The following CHCHD6 variants were observed in gnomAD, a reference collection of about 807,000 sequenced individuals.
CHCHD6 encodes the protein MICOS complex subunit MIC25.
A neutral mutation model predicts 32.3 loss-of-function variants in CHCHD6; 28 were observed. The observed-to-expected ratio is 0.87, with a 90% confidence interval of 0.64 to 1.19. The LOEUF (loss-of-function observed/expected upper bound fraction) is 1.19. Ranked by LOEUF, CHCHD6 falls within the 50% of genes most tolerant of loss-of-function variation. The pLI is 0.00. For missense variants in CHCHD6, 333 were observed against 307.0 expected, an observed-to-expected ratio of 1.08 and a Z score of -0.63; for synonymous variants, 122 against 117.5, an observed-to-expected ratio of 1.04 and a Z score of -0.25.
intron 4 of CHCHD6, among the ~76,000 whole-genome samples, chr3:126,804,369 G>A (rs1939245999): frequency 6.6e-6 from 1 of 152,028 alleles, no homozygotes; most frequent in Non-Finnish European, 1.5e-5. Flanking sequence ...AATAAAAAAT[G>A]ATAAAGGGGA....
chr3:126,732,086 A>T (rs1935832220), intron 3 of CHCHD6, among the ~76,000 whole-genome samples: 1 of 151,634 alleles, frequency 6.6e-6, no homozygotes, highest in Non-Finnish European at 1.5e-5. Flanking sequence ...ACCAAAAAAA[A>T]AAAAAAAAAA....
rs2078843268 is a variant in CHCHD6, at chr3:126,960,352, TA to T, written c.*152del. ...GCTGCCACGTGTTTAGGAAACAAAG[TA>T]TGCGCTACTGTCTGAAAACAAATAA... On this transcript the variant is annotated 3_prime_UTR_variant, in exon 8 of 8. Coordinates refer to ENST00000290913, the MANE Select transcript of CHCHD6 (RefSeq NM_032343.3). 1 of 824,694 alleles carries T rather than the reference TA, an allele frequency of 1.2e-6. No homozygotes were observed. Among genetic ancestry groups the T allele is most frequent in the Non-Finnish European group, 2.0e-6 (1 of 508,478 alleles). 51.1% of individuals were successfully genotyped at this position (824,694 alleles called of 1,614,324 possible).
chr3:126,763,934 G>T (rs991757747), intron 4 of CHCHD6, among the ~76,000 whole-genome samples: 1 of 151,994 alleles, frequency 6.6e-6, no homozygotes, highest in African/African-American at 2.4e-5. Context: ...TGCTGAAATT[G>T]TATGCTTTAC....
In CHCHD6 at chr3:126,754,526, G is replaced by A. The variant is rs556413198; in HGVS notation, c.411+21304G>A. 3.3e-5 allele frequency among the ~76,000 whole-genome samples: 5 copies of A among 152,300 alleles called. No individual in the cohort carries two copies. The South Asian group carries it at 6.2e-4, about 19-fold the overall frequency. On this transcript the variant is annotated intron_variant, in intron 4 of 7. Coordinates refer to ENST00000290913, the MANE Select transcript of CHCHD6 (RefSeq NM_032343.3). The stretch of plus-strand genomic sequence containing the variant: ...GTGGCTGAGCTCTTTCTAAGGTACC[G>A]GCTATTGGCAGAGGAGCAAGCTGGG...
chr3:126,912,804 G>C (rs61211376), intron 5 of CHCHD6, among the ~76,000 whole-genome samples: 2 of 152,348 alleles, frequency 1.3e-5, no homozygotes, highest in Non-Finnish European at 2.9e-5. Context: ...TGCAGCAGGG[G>C]AGTCCTTGGG....
chr3:126,844,124 T>C (rs114890904), intron 4 of CHCHD6, among the ~76,000 whole-genome samples: 4,427 of 152,326 alleles, frequency 0.029, 97 homozygotes, highest in Non-Finnish European at 0.039. Context: ...TTTAAACTTA[T>C]TAGCTCAAGA....
At chr3:126,739,829 C>G (rs983026479) in intron 4 of CHCHD6, among the ~76,000 whole-genome samples, 1 of 152,148 alleles carries the variant, frequency 6.6e-6, no homozygotes, top group African/African-American at 2.4e-5. Context: ...GTTCCAACAC[C>G]TTGGTCACCT....
chr3:126,724,459 G>T (rs989491809), intron 1 of CHCHD6, among the ~76,000 whole-genome samples: 2 of 152,098 alleles, frequency 1.3e-5, no homozygotes, highest in African/African-American at 4.8e-5. Context: ...TACTTTATTG[G>T]CAAAATATGC....
intron 4 of CHCHD6, among the ~76,000 whole-genome samples, chr3:126,818,073 G>A (rs949765828): frequency 1.3e-5 from 2 of 152,180 alleles, no homozygotes; most frequent in African/African-American, 4.8e-5. Context: ...TGAGGGGCCT[G>A]TAAAGCAAAG....
chr3:126,886,140 A>G (rs2077676603), intron 5 of CHCHD6, among the ~76,000 whole-genome samples: 1 of 152,222 alleles, frequency 6.6e-6, no homozygotes, highest in Non-Finnish European at 1.5e-5. Context: ...ACACACTTGA[A>G]TTTAAACAGC....
At chr3:126,872,097 C>T (rs2077480883) in intron 5 of CHCHD6, among the ~76,000 whole-genome samples, 2 of 152,204 alleles carry the variant, frequency 1.3e-5, no homozygotes, top group Non-Finnish European at 2.9e-5. Context: ...CCTTCAAGGG[C>T]CATTTGGCAA....
At chr3:126,944,926 C>T (rs569128585) in intron 6 of CHCHD6, among the ~76,000 whole-genome samples, 1 of 152,244 alleles carries the variant, frequency 6.6e-6, no homozygotes, top group East Asian at 1.9e-4. Context: ...TGCCTCTAGG[C>T]CTTGTGGCTG....
chr3:126,957,639 T>C, intron 7 of CHCHD6, 88 bp downstream of exon 7: 1 of 1,442,550 alleles, frequency 6.9e-7, no homozygotes, highest in Admixed American at 2.0e-5. Context: ...TCTGCCTGCC[T>C]TTTCCTGTTA....
chr3:126,706,335 G>T (rs1934487034), intron 1 of CHCHD6, among the ~76,000 whole-genome samples: 1 of 152,182 alleles, frequency 6.6e-6, no homozygotes, highest in African/African-American at 2.4e-5. Context: ...GCTTAAAGGA[G>T]TTAAGGAATT....
chr3:126,899,743 A>G (rs2077895302), intron 5 of CHCHD6, among the ~76,000 whole-genome samples: 1 of 152,194 alleles, frequency 6.6e-6, no homozygotes, highest in South Asian at 2.1e-4. Context: ...GGAAAGGGAC[A>G]TTTTGTGCTC....
chr3:126,921,547 G>A (rs1182493737), intron 6 of CHCHD6, among the ~76,000 whole-genome samples: 1 of 152,098 alleles, frequency 6.6e-6, no homozygotes, highest in African/African-American at 2.4e-5. Context: ...ATCTGTCTTG[G>A]CTTCTCCTTG....
chr3:126,818,260 T>G (rs961743558), intron 4 of CHCHD6, among the ~76,000 whole-genome samples: 7 of 152,208 alleles, frequency 4.6e-5, no homozygotes, highest in Non-Finnish European at 8.8e-5. Context: ...GATGAGCTTC[T>G]CTTCTTCCTC....
At chr3:126,875,878 C>A (rs115530082) in intron 5 of CHCHD6, among the ~76,000 whole-genome samples, 1,813 of 152,344 alleles carry the variant, frequency 0.012, 20 homozygotes, top group Middle Eastern at 0.048. Context: ...CTGTAGGGTC[C>A]TGTGCTTTCT....
At chr3:126,732,740 A>G (rs73199894) in intron 3 of CHCHD6, among the ~76,000 whole-genome samples, 1 of 152,244 alleles carries the variant, frequency 6.6e-6, no homozygotes, top group African/African-American at 2.4e-5. Context: ...CAAATCTTCA[A>G]GCTCTCAAGT....
Sources: gnomAD v4.1 joint callset for allele counts (sites outside exome capture counted in the v4.1 genomes callset) on GRCh38, gnomAD v4.1.1 for gene constraint, MANE v1.5 for transcripts, NCBI Gene and HGNC (gene_info 2026-07-23, HGNC 2026-07-21) for gene names.